The following TMEM164 variants were observed in gnomAD, a reference collection of about 807,000 sequenced individuals.
TMEM164 encodes RP13-360B22.2.
TMEM164 carries 4 observed loss-of-function variants against 18.8 expected under a neutral mutation model. That is an observed-to-expected ratio of 0.21 (90% CI 0.10 to 0.49). The LOEUF (loss-of-function observed/expected upper bound fraction) is 0.49, where lower values mean the gene tolerates loss of function less well. Ranked by LOEUF, TMEM164 falls within the 20% of genes least tolerant of loss-of-function variation. The probability of loss-of-function intolerance (pLI) is 0.98; values close to 1 mark genes in which losing one functional copy is unlikely to be tolerated. For synonymous variants in TMEM164, 86 were observed against 101.7 expected (o/e 0.85, Z 0.93); for missense variants, 108 against 239.9 (o/e 0.45, Z 3.63).
intron 2 of TMEM164, among the ~76,000 whole-genome samples, chrX:110,017,592 G>A (rs187430574): frequency 0.11 from 9,029 of 84,054 alleles, 1,548 homozygotes; most frequent in African/African-American, 0.38. Context: ...TTTTTGAGAC[G>A]GAGTTTCACT....
chrX:110,121,605 T>C (rs1023246685), intron 4 of TMEM164, among the ~76,000 whole-genome samples: 11 of 112,419 alleles, frequency 9.8e-5, no homozygotes, highest in Non-Finnish European at 1.5e-4. Context: ...TGTCGGTTAG[T>C]GTACATTTGG....
Position 110,075,086 on chromosome X carries a change from A to G in TMEM164, c.440+7690A>G, listed in dbSNP as rs747828668. Among the ~76,000 whole-genome samples, 73 of 112,187 alleles carry G rather than the reference A, an allele frequency of 6.5e-4. 1 individual carries two copies. Among genetic ancestry groups the G allele is most frequent in the Non-Finnish European group, 1.2e-3 (65 of 53,232 alleles). On this transcript the variant is annotated intron_variant, in intron 3 of 6. Transcript: ENST00000372068. The stretch of plus-strand genomic sequence containing the variant: ...TGAACAATGTTGATTATTCTAATCC[A>G]TGAGAATCTAATACTTTTCCATTTG...
intron 2 of TMEM164, among the ~76,000 whole-genome samples, chrX:110,017,212 C>T (rs1450851913): frequency 8.9e-6 from 1 of 112,117 alleles, no homozygotes; most frequent in Non-Finnish European, 1.9e-5. Context: ...AGAGCTGAGT[C>T]TCCTGACTCC....
At chrX:110,034,427 G>C (rs951178819) in intron 2 of TMEM164, among the ~76,000 whole-genome samples, 2 of 112,567 alleles carry the variant, frequency 1.8e-5, no homozygotes, top group Non-Finnish European at 3.8e-5. Context: ...GGGCCAGATA[G>C]TAAATGTTTT....
At chrX:110,072,570 A>G (rs2065610345) in intron 3 of TMEM164, among the ~76,000 whole-genome samples, 1 of 110,626 alleles carries the variant, frequency 9.0e-6, no homozygotes, top group African/African-American at 3.3e-5. Context: ...ATATCTCCTT[A>G]TCTGTAGTCA....
In TMEM164 at chrX:110,094,109, A is replaced by G. The variant is rs758734052; in HGVS notation, c.441-14971A>G. The stretch of plus-strand genomic sequence containing the variant: ...GCTGAGGAGTGCTTTACTTCCAACT[A>G]TGTGGTCAATTTTGGAATAAGTGTG... On this transcript the variant is annotated intron_variant, in intron 3 of 6. Coordinates refer to ENST00000372068, the MANE Select transcript of TMEM164 (RefSeq NM_032227.4). 3.5e-3 allele frequency among the ~76,000 whole-genome samples: 393 copies of G among 111,700 alleles called. 1 individual carries two copies. Among genetic ancestry groups the G allele is most frequent in the African/African-American group, 0.011 (343 of 30,758 alleles).
chrX:110,168,067 G>T, intron 5 of TMEM164, among the ~76,000 whole-genome samples: 1 of 112,315 alleles, frequency 8.9e-6, no homozygotes, highest in African/African-American at 3.2e-5. Context: ...CTGCCCATCT[G>T]CCACTAGGGG....
intron 5 of TMEM164, among the ~76,000 whole-genome samples, chrX:110,146,930 T>G (rs1260200076): frequency 8.9e-6 from 1 of 112,340 alleles, no homozygotes; most frequent in African/African-American, 3.2e-5. Context: ...TAGAAGTCGC[T>G]TGTAATTTTG....
At chrX:110,122,808 G>A (rs1478806845) in intron 4 of TMEM164, among the ~76,000 whole-genome samples, 1 of 111,600 alleles carries the variant, frequency 9.0e-6, no homozygotes. Flanking sequence ...GTTCTTTCTG[G>A]ATATTAAACC....
intron 5 of TMEM164, among the ~76,000 whole-genome samples, chrX:110,149,225 C>T (rs1377728492): frequency 9.0e-6 from 1 of 111,314 alleles, no homozygotes; most frequent in Non-Finnish European, 1.9e-5. Flanking sequence ...ATCTGTTTGC[C>T]ACCTGAAATC....
intron 5 of TMEM164, among the ~76,000 whole-genome samples, chrX:110,165,948 A>G (rs2067153893): frequency 8.9e-6 from 1 of 111,916 alleles, no homozygotes; most frequent in African/African-American, 3.3e-5. Context: ...CATAAATTTG[A>G]CCTTTTTATT....
chrX:110,042,742 T>C (rs964620500), intron 2 of TMEM164, among the ~76,000 whole-genome samples: 1 of 112,295 alleles, frequency 8.9e-6, no homozygotes, highest in African/African-American at 3.2e-5. Context: ...TGGTATATCA[T>C]TGTGGTTTTG....
chrX:110,086,189 C>T (rs2065848745), intron 3 of TMEM164, among the ~76,000 whole-genome samples: 1 of 111,915 alleles, frequency 8.9e-6, no homozygotes, highest in African/African-American at 3.2e-5. Flanking sequence ...TTTTCTATAT[C>T]TTGATAGGTA....
intron 2 of TMEM164, among the ~76,000 whole-genome samples, chrX:110,016,369 G>A (rs1413268057): frequency 9.0e-6 from 1 of 111,642 alleles, no homozygotes; most frequent in African/African-American, 3.3e-5. Context: ...AACTGTCTGT[G>A]GACATTAAGG....
intron 5 of TMEM164, among the ~76,000 whole-genome samples, chrX:110,152,744 G>C (rs111925242): frequency 0.051 from 5,681 of 111,117 alleles, 370 homozygotes; most frequent in African/African-American, 0.18. Flanking sequence ...TCTAGGACCA[G>C]TACCTTGGGC....
chrX:110,113,669 A>G (rs1369822468), intron 4 of TMEM164, among the ~76,000 whole-genome samples: 1 of 111,730 alleles, frequency 9.0e-6, no homozygotes, highest in Admixed American at 9.5e-5. Context: ...AGTAGTTGTG[A>G]CAGTCAGCTA....
chrX:110,153,917 T>A (rs1358864394), intron 5 of TMEM164, among the ~76,000 whole-genome samples: 1 of 111,309 alleles, frequency 9.0e-6, no homozygotes, highest in African/African-American at 3.3e-5. Context: ...TCATAATACC[T>A]AATACAATGT....
intron 2 of TMEM164, among the ~76,000 whole-genome samples, chrX:110,041,936 G>A (rs1935112799): frequency 9.0e-6 from 1 of 111,321 alleles, no homozygotes; most frequent in Non-Finnish European, 1.9e-5. Flanking sequence ...TTACTGAGAT[G>A]TAATTCATAT....
intron 5 of TMEM164, among the ~76,000 whole-genome samples, chrX:110,153,566 C>G (rs971074484): frequency 9.0e-6 from 1 of 111,270 alleles, no homozygotes; most frequent in Non-Finnish European, 1.9e-5. Flanking sequence ...CTCTCGGTAT[C>G]CATGGGGAAT....
Sources: gnomAD v4.1 joint callset for allele counts (sites outside exome capture counted in the v4.1 genomes callset) on GRCh38, gnomAD v4.1.1 for gene constraint, MANE v1.5 for transcripts, NCBI Gene and HGNC (gene_info 2026-07-23, HGNC 2026-07-21) for gene names.